CCKBR: variants seen among roughly 807,000 people sequenced by gnomAD.
CCKBR encodes the protein gastrin/cholecystokinin type B receptor.
In CCKBR, 33 loss-of-function variants were observed where a neutral mutation model predicts 34.6. That is an observed-to-expected ratio of 0.95 (90% CI 0.72 to 1.27). The LOEUF is 1.27. Among genes scored for constraint, CCKBR ranks in the 50% most tolerant of loss-of-function variants. The probability of loss-of-function intolerance (pLI) is 0.00; values close to 1 mark genes in which losing one functional copy is unlikely to be tolerated. For synonymous variants in CCKBR, 269 were observed against 267.5 expected (o/e 1.01, Z -0.06); for missense variants, 652 against 617.4 (o/e 1.06, Z -0.59).
chr11:6,265,926 T>A (rs1848202789), intron 1 of CCKBR, among the ~76,000 whole-genome samples: 1 of 151,768 alleles, frequency 6.6e-6, no homozygotes, highest in African/African-American at 2.4e-5. Flanking sequence ...GACGGATGGA[T>A]GAGGAGGGGG....
intron 1 of CCKBR, among the ~76,000 whole-genome samples, 171 bp from the exon 2 acceptor site, chr11:6,269,498 T>A (rs1237611188): frequency 6.6e-6 from 1 of 152,020 alleles, no homozygotes; most frequent in Non-Finnish European, 1.5e-5. Context: ...TAACCAAACC[T>A]CAAGGGGTTA....
Position 6,270,141 on chromosome 11 carries a change from T to A in CCKBR, c.457T>A (p.Tyr153Asn). 1 of 1,613,874 alleles carries A rather than the reference T, an allele frequency of 6.2e-7. No homozygotes were observed. The highest frequency in any genetic ancestry group is 8.5e-7 in the Non-Finnish European group (1 of 1,179,956). Residue 153 changes from tyrosine to asparagine, a missense_variant, in exon 3 of 5, where the codon TAC (tyrosine) becomes AAC (asparagine). Transcript: ENST00000334619. ...LSLVAIALER[Y>N]SAICRPLQAR... is the part of the protein sequence containing the mutation. ...CCTCGTGGCCATCGCACTGGAGCGG[T>A]ACAGCGCCATCTGCCGACCACTGCA...
At chr11:6,260,129 A>G in intron 1 of CCKBR, 50 bp downstream of exon 1, 2 of 1,421,762 alleles carry the variant, frequency 1.4e-6, no homozygotes, top group Non-Finnish European at 1.9e-6. Context: ...ACTGTACCCC[A>G]GAACACTAAT....
intron 1 of CCKBR, chr11:6,264,580 G>A: frequency 1.4e-6 from 1 of 700,970 alleles, no homozygotes; most frequent in Non-Finnish European, 2.6e-6. Flanking sequence ...GGAAGATGAT[G>A]AGATGATGCT....
Position 6,271,590 on chromosome 11 carries a change from T to C in CCKBR, c.*47T>C. 1 of 1,505,578 alleles carries C rather than the reference T, an allele frequency of 6.6e-7. No homozygotes were observed. Among genetic ancestry groups the C allele is most frequent in the Non-Finnish European group, 8.9e-7 (1 of 1,128,370 alleles). The allele number at this position is 1,505,578 out of a possible 1,614,324, so 93.3% of individuals were successfully genotyped here. On this transcript the variant is annotated 3_prime_UTR_variant, in exon 5 of 5. Transcript: ENST00000334619. Reference sequence around the variant, plus strand: ...TTGAGGCAGGGCAAATGACATGCACTGACCCTTCCAGACATACGAAACACA... The same window carrying C: ...TTGAGGCAGGGCAAATGACATGCACCGACCCTTCCAGACATACGAAACACA...
chr11:6,259,950 C>T lies in CCKBR; in HGVS notation c.22C>T (p.Arg8Trp), dbSNP rs772452674. 6 of 1,511,658 alleles carry T rather than the reference C, an allele frequency of 4.0e-6. No individual in the cohort carries two copies. Among genetic ancestry groups the T allele is most frequent in the East Asian group, 5.5e-5 (2 of 36,610 alleles). 93.6% of individuals were successfully genotyped at this position (1,511,658 alleles called of 1,614,324 possible). A position where few individuals can be genotyped will look rare whatever the true frequency, so the allele number is the denominator to read the frequency against. Residue 8 changes from arginine to tryptophan, a missense_variant, in exon 1 of 5, where the codon CGG becomes TGG. Arg to Trp is a moderately radical substitution (Grantham distance 101). Transcript: ENST00000334619. ...GGCCATGGAGCTGCTAAAGCTGAACCGGAGCGTGCAGGGAACCGGACCCGG... is the reference window on the plus strand; with the variant it reads ...GGCCATGGAGCTGCTAAAGCTGAACTGGAGCGTGCAGGGAACCGGACCCGG... Reference protein sequence around the residue: MELLKLNRSVQGTGPGPG... With the variant: MELLKLNWSVQGTGPGPG...
Position 6,260,015 on chromosome 11 carries a change from C to G in CCKBR, c.87C>G (p.Leu29=). The G allele has an allele frequency of 6.3e-7, 1 of 1,593,288 alleles. No individual in the cohort carries two copies. Among genetic ancestry groups the G allele is most frequent in the Non-Finnish European group, 8.5e-7 (1 of 1,171,382 alleles). ...TGTGCCGCCCGGGGGCGCCTCTCCT[C>G]AACAGCAGCAGTGTGGGCAACCTCA... The part of the protein sequence containing the change: ...ASLCRPGAPL[L]NSSSVGNLSC... The change falls in exon 1 of 5, where the codon CTC becomes CTG. Residue 29 remains leucine (L), a synonymous_variant. Coordinates refer to ENST00000334619, the MANE Select transcript of CCKBR (RefSeq NM_176875.4).
In CCKBR at chr11:6,271,638, C is replaced by T. The variant is rs1288906756; in HGVS notation, c.*95C>T. 2 of 1,271,906 alleles carry T rather than the reference C, an allele frequency of 1.6e-6. No homozygotes were observed. The highest frequency in any genetic ancestry group is 2.7e-5 in the Admixed American group (1 of 36,948). The allele number at this position is 1,271,906 out of a possible 1,614,324, so 78.8% of individuals were successfully genotyped here. On this transcript the variant is annotated 3_prime_UTR_variant, in exon 5 of 5. Coordinates refer to ENST00000334619, the MANE Select transcript of CCKBR (RefSeq NM_176875.4). ...ACAAACCACAACTGACACAGGAAAC[C>T]AACACCCAAAGCATGGACTAACCCC...
chr11:6,259,978 C>CG lies in CCKBR; in HGVS notation c.55dup (p.Ala19GlyfsTer39). 1.3e-6 allele frequency: 2 copies of CG among 1,562,794 alleles called. No individual in the cohort carries two copies. Among genetic ancestry groups the CG allele is most frequent in the Non-Finnish European group, 1.7e-6 (2 of 1,158,126 alleles). On this transcript the variant is annotated frameshift_variant, in exon 1 of 5. Coordinates refer to ENST00000334619, the MANE Select transcript of CCKBR (RefSeq NM_176875.4). LOFTEE classifies it high-confidence loss of function. Reference sequence around the variant, plus strand: ...AGCGTGCAGGGAACCGGACCCGGGCCGGGGGCTTCCCTGTGCCGCCCGGGG... The same window carrying CG: ...AGCGTGCAGGGAACCGGACCCGGGCCGGGGGGCTTCCCTGTGCCGCCCGGGG...
At chr11:6,260,103 C>CG (rs762226675) in intron 1 of CCKBR, 24 bp downstream of exon 1, 2 of 1,569,018 alleles carry the variant, frequency 1.3e-6, no homozygotes, top group Admixed American at 3.6e-5. Flanking sequence ...TCAGCCCCCC[C>CG]CACAAGCTAT....
chr11:6,260,554 T>C (rs1328043581), intron 1 of CCKBR, among the ~76,000 whole-genome samples: 1 of 152,124 alleles, frequency 6.6e-6, no homozygotes, highest in Non-Finnish European at 1.5e-5. Context: ...GAAGCTGAAG[T>C]TGTGATCACA....
chr11:6,267,692 G>A (rs1205473903), intron 1 of CCKBR, among the ~76,000 whole-genome samples: 1 of 152,124 alleles, frequency 6.6e-6, no homozygotes, highest in Non-Finnish European at 1.5e-5. Context: ...GTACATCATT[G>A]TATGTGCTAG....
At position 6,269,700 on chromosome 11, in the gene CCKBR, C is replaced by G. The variant is rs1848262238; in HGVS notation, c.183C>G (p.Tyr61Ter). The change falls in exon 2 of 5, where the codon TAC (tyrosine) becomes TAG (stop). Residue 61 changes from tyrosine to a stop codon, truncating the protein, a stop_gained. Coordinates refer to ENST00000334619, the MANE Select transcript of CCKBR (RefSeq NM_176875.4). LOFTEE classifies it high-confidence loss of function. ...AGCTGGCCATTAGAATCACTCTTTA[C>G]GCAGTGATCTTCCTGATGAGCGTTG... is the stretch of plus-strand genomic sequence containing the variant. ...ELELAIRITL[Y>*]AVIFLMSVGG... 1.9e-6 allele frequency: 3 copies of G among 1,613,852 alleles called. No individual in the cohort carries two copies. The highest frequency in any genetic ancestry group is 2.2e-5 in the South Asian group (2 of 91,072).
intron 4 of CCKBR, 104 bp downstream of exon 4, chr11:6,270,907 G>A: frequency 6.2e-7 from 1 of 1,611,294 alleles, no homozygotes; most frequent in Non-Finnish European, 8.5e-7. Flanking sequence ...GGGTGAGAAG[G>A]AAGCTGGAAA....
chr11:6,266,214 A>G (rs11040828), intron 1 of CCKBR, among the ~76,000 whole-genome samples: 29,422 of 152,036 alleles, frequency 0.19, 2,944 homozygotes, highest in Middle Eastern at 0.33. Flanking sequence ...AGTATGGGCC[A>G]GGCGTAGTGG....
chr11:6,262,686 A>G (rs868201266), intron 1 of CCKBR, among the ~76,000 whole-genome samples: 1,945 of 119,294 alleles, frequency 0.016, 60 homozygotes, highest in Admixed American at 0.025. Context: ...TAGGCAAAGA[A>G]AGAGAGAGAG....
In CCKBR at chr11:6,271,182, A is replaced by G. The variant is rs1848304300; in HGVS notation, c.983A>G (p.Lys328Arg). The G allele has an allele frequency of 6.2e-7, 1 of 1,614,138 alleles. No individual in the cohort carries two copies. The highest frequency in any genetic ancestry group is 1.7e-5 in the Admixed American group (1 of 60,024). The change falls in exon 5 of 5, where the codon AAG becomes AGG. Residue 328 changes from lysine (K) to arginine (R), a missense_variant. Transcript: ENST00000334619. ...CCCACCCAGGCCAAGCTGCTGGCTA[A>G]GAAGCGCGTGGTGCGAATGTTGCTG... ...SRPTQAKLLA[K>R]KRVVRMLLVI...
At position 6,271,564 on chromosome 11, in the gene CCKBR, G is replaced by T. The variant is rs199662573; in HGVS notation, c.*21G>T. On this transcript the variant is annotated 3_prime_UTR_variant, in exon 5 of 5. Coordinates refer to ENST00000334619, the MANE Select transcript of CCKBR (RefSeq NM_176875.4). ...GCTGAGGAGTAGAGGGGCCGTGGGG[G>T]TTGAGGCAGGGCAAATGACATGCAC... 1.3e-6 allele frequency: 2 copies of T among 1,555,116 alleles called. No individual in the cohort carries two copies. Among genetic ancestry groups the T allele is most frequent in the Non-Finnish European group, 8.7e-7 (1 of 1,154,222 alleles).
intron 1 of CCKBR, among the ~76,000 whole-genome samples, chr11:6,268,688 G>A (rs917156195): frequency 6.6e-6 from 1 of 152,272 alleles, no homozygotes; most frequent in South Asian, 2.1e-4. Flanking sequence ...TAGCACAAAG[G>A]GAGTCCTCTG....
Sources: allele counts gnomAD v4.1 joint callset (sites outside exome capture counted in the v4.1 genomes callset), GRCh38; gene constraint gnomAD v4.1.1; transcripts MANE v1.5; gene names NCBI Gene and HGNC (gene_info 2026-07-23, HGNC 2026-07-21).